The following PRKDC variants were observed in gnomAD, a reference collection of about 807,000 sequenced individuals.
The protein encoded by PRKDC is DNA-dependent protein kinase catalytic subunit.
In PRKDC, 82 loss-of-function variants were observed where a neutral mutation model predicts 486.9. The observed-to-expected ratio is 0.17, with a 90% CI of 0.14 to 0.20. The LOEUF (loss-of-function observed/expected upper bound fraction) is 0.20, where lower values mean the gene tolerates loss of function less well. Ranked by LOEUF, PRKDC falls within the 10% of genes least tolerant of loss-of-function variation. The pLI is 1.00. For synonymous variants in PRKDC, 1,895 were observed against 1,837.0 expected (o/e 1.03, Z -0.81); for missense variants, 4,504 against 5,038.2 (o/e 0.89, Z 3.21).
At chr8:47,883,268 G>A (rs1303289956) in intron 36 of PRKDC, among the ~76,000 whole-genome samples, 1 of 152,240 alleles carries the variant, frequency 6.6e-6, no homozygotes, top group Non-Finnish European at 1.5e-5. Flanking sequence ...CACTGCCGCT[G>A]AGAAGACATA....
In PRKDC at chr8:47,939,715, T is replaced by G. The variant is rs759378996; in HGVS notation, c.967-18A>C. On this transcript the variant is annotated intron_variant, in intron 10 of 85. Transcript: ENST00000314191. ...TTAGAAACCTGCAAATACATAATAT[T>G]TATTTTTTTGGAAATATTTAATAGC... 6.5e-7 allele frequency: 1 copy of G among 1,549,606 alleles called. No individual in the cohort carries two copies. Among genetic ancestry groups the G allele is most frequent in the African/African-American group, 1.4e-5 (1 of 72,130 alleles).
At chr8:47,841,535 G>A (rs758329283) in intron 54 of PRKDC, among the ~76,000 whole-genome samples, 2 of 152,212 alleles carry the variant, frequency 1.3e-5, no homozygotes, top group Non-Finnish European at 2.9e-5. Context: ...CCAGCACAGT[G>A]CTTGATTCCA....
chr8:47,861,531 G>A (rs569453953), intron 44 of PRKDC, among the ~76,000 whole-genome samples: 6 of 152,224 alleles, frequency 3.9e-5, no homozygotes, highest in Non-Finnish European at 7.3e-5. Flanking sequence ...TGGGGAAAGT[G>A]CACGCCATGG....
chr8:47,923,697 C>T (rs1177334668), intron 21 of PRKDC, among the ~76,000 whole-genome samples: 1 of 152,134 alleles, frequency 6.6e-6, no homozygotes, highest in Admixed American at 6.5e-5. Flanking sequence ...GGTGTAGGGG[C>T]CACCTAGGAG....
At chr8:47,885,920 T>A in intron 36 of PRKDC, 24 bp downstream of exon 36, 1 of 1,600,744 alleles carries the variant, frequency 6.2e-7, no homozygotes, top group South Asian at 1.1e-5. Flanking sequence ...AAAAAACAGT[T>A]TATTTAAAGG....
chr8:47,921,669 T>C (rs1024402348), intron 21 of PRKDC, among the ~76,000 whole-genome samples: 2 of 152,216 alleles, frequency 1.3e-5, no homozygotes, highest in Non-Finnish European at 2.9e-5. Flanking sequence ...TGTAAGGCAA[T>C]TCTCAATTTC....
At chr8:47,932,707 T>A (rs2090277865) in intron 16 of PRKDC, among the ~76,000 whole-genome samples, 1 of 152,144 alleles carries the variant, frequency 6.6e-6, no homozygotes. Flanking sequence ...CCATACAAAG[T>A]CATTTCTACA....
intron 38 of PRKDC, among the ~76,000 whole-genome samples, chr8:47,879,937 C>A (rs549133540): frequency 5.9e-4 from 89 of 151,434 alleles, no homozygotes; most frequent in African/African-American, 2.1e-3. Flanking sequence ...CTCCGCCTCC[C>A]GGGTTCAAGT....
Position 47,927,175 on chromosome 8 carries a change from C to T in PRKDC, c.2419+19G>A, listed in dbSNP as rs777014319. The T allele has an allele frequency of 6.2e-7, 1 of 1,608,674 alleles. No individual in the cohort carries two copies. The highest frequency in any genetic ancestry group is 8.5e-7 in the Non-Finnish European group (1 of 1,175,788). On this transcript the variant is annotated intron_variant, in intron 21 of 85. Coordinates refer to ENST00000314191, the MANE Select transcript of PRKDC (RefSeq NM_006904.7). ...TCCATTTTAATTACAATACACATCA[C>T]AATTCTTCTAAACATTACCTGACAA...
chr8:47,929,747 T>C (rs2090219129), intron 18 of PRKDC, 106 bp downstream of exon 18: 2 of 1,203,940 alleles, frequency 1.7e-6, no homozygotes, highest in Non-Finnish European at 1.1e-6. Context: ...ATAAAATTAG[T>C]AGACTTTAAA....
chr8:47,862,957 G>A (rs2088711688), intron 42 of PRKDC, among the ~76,000 whole-genome samples: 1 of 152,192 alleles, frequency 6.6e-6, no homozygotes. Flanking sequence ...TATTTACTAG[G>A]AGGAGAACTC....
chr8:47,915,556 T>C (rs1214662246), intron 22 of PRKDC, 138 bp from the exon 23 acceptor site: 1 of 558,392 alleles, frequency 1.8e-6, no homozygotes, highest in Non-Finnish European at 3.1e-6. Flanking sequence ...GGCAGGATCC[T>C]TTCCACTCTT....
chr8:47,881,632 G>A (rs2089219919), intron 37 of PRKDC, 112 bp from the exon 38 acceptor site: 1 of 659,984 alleles, frequency 1.5e-6, no homozygotes, highest in East Asian at 2.9e-5. Flanking sequence ...TTAATTTTGG[G>A]CTTCAATAAT....
At chr8:47,936,001 T>A in intron 12 of PRKDC, 101 bp from the exon 13 acceptor site, 1 of 1,176,940 alleles carries the variant, frequency 8.5e-7, no homozygotes, top group South Asian at 1.8e-5. Context: ...TAGATACTTA[T>A]TAAAAGAAAA....
At chr8:47,886,191 T>C in intron 35 of PRKDC, 44 bp from the exon 36 acceptor site, 1 of 1,475,056 alleles carries the variant, frequency 6.8e-7, no homozygotes, top group Non-Finnish European at 9.1e-7. Flanking sequence ...GGCACATCTT[T>C]GCATGGCACA....
intron 49 of PRKDC, 109 bp from the exon 50 acceptor site, chr8:47,855,482 C>T: frequency 1.7e-6 from 2 of 1,179,934 alleles, no homozygotes; most frequent in South Asian, 1.7e-5. Context: ...AGGAGTCCGG[C>T]TCCTGTTGAA....
At chr8:47,823,423 T>C (rs2087651323) in intron 64 of PRKDC, among the ~76,000 whole-genome samples, 1 of 151,750 alleles carries the variant, frequency 6.6e-6, no homozygotes, top group Non-Finnish European at 1.5e-5. Flanking sequence ...TACCAATGCA[T>C]AAAAGCTTCC....
In PRKDC at chr8:47,898,532, T is replaced by C. The variant is rs756624638; in HGVS notation, c.3402A>G (p.Leu1134=). Residue 1134 remains leucine, a synonymous_variant, in exon 29 of 86, where the codon CTA becomes CTG. Coordinates refer to ENST00000314191, the MANE Select transcript of PRKDC (RefSeq NM_006904.7). ...IQQCCDAIDH[L]CRIIEKKHVS... Reference sequence around the variant, plus strand: ...CATGCTTCTTTTCAATGATGCGGCATAGGTGATCAATGGCATCACAACACT... The same window carrying C: ...CATGCTTCTTTTCAATGATGCGGCACAGGTGATCAATGGCATCACAACACT... 10 of 1,543,620 alleles carry C rather than the reference T, an allele frequency of 6.5e-6. No homozygotes were observed. The highest frequency in any genetic ancestry group is 4.6e-5 in the East Asian group (2 of 43,392).
chr8:47,776,521 TAA>T (rs1242188128), intron 85 of PRKDC, among the ~76,000 whole-genome samples: 1 of 152,222 alleles, frequency 6.6e-6, no homozygotes, highest in African/African-American at 2.4e-5. Flanking sequence ...AAAGCAAATT[TAA>T]AACCTAAGTC....
Sources: allele counts gnomAD v4.1 joint callset (sites outside exome capture counted in the v4.1 genomes callset), GRCh38; gene constraint gnomAD v4.1.1; transcripts MANE v1.5; gene names NCBI Gene and HGNC (gene_info 2026-07-23, HGNC 2026-07-21).